The following ROBO4 variants were observed in gnomAD, a reference collection of about 807,000 sequenced individuals.
The protein encoded by ROBO4 is roundabout guidance receptor 4, also known as roundabout homolog 4.
In ROBO4, 80 loss-of-function variants were observed where a neutral mutation model predicts 103.3. The observed-to-expected ratio is 0.77, with a 90% CI of 0.65 to 0.93. The LOEUF is 0.93. ROBO4 is among the 40% of genes least tolerant of loss of function. The pLI is 0.00. For synonymous variants in ROBO4, 504 were observed against 529.7 expected (o/e 0.95, Z 0.67); for missense variants, 1,333 against 1,305.3 (o/e 1.02, Z -0.33).
chr11:124,895,040 C>T, intron 7 of ROBO4, 41 bp downstream of exon 7: 2 of 1,408,734 alleles, frequency 1.4e-6, no homozygotes, highest in Non-Finnish European at 2.0e-6. Context: ...AAGAGATGTC[C>T]TGGCAGCAGT....
Position 124,887,358 on chromosome 11 carries a change from T to G in ROBO4, c.2198A>C (p.Gln733Pro). 4 of 1,613,944 alleles carry G rather than the reference T, an allele frequency of 2.5e-6. No homozygotes were observed. The highest frequency in any genetic ancestry group is 3.4e-6 in the Non-Finnish European group (4 of 1,179,908). Residue 733 changes from glutamine (Q) to proline (P), a missense_variant and splice_region_variant, in exon 14 of 18, where the codon CAG (glutamine) becomes CCG (proline). Transcript: ENST00000306534. ...ETPPTQSQQT[Q>P]PPVAPQAPSS... ...GCTTCCCGACCCCATGCCCTCTTACTGGGTCTGTTGACTCTGAGTTGGGGG... is the reference window on the plus strand; with the variant it reads ...GCTTCCCGACCCCATGCCCTCTTACGGGGTCTGTTGACTCTGAGTTGGGGG...
At chr11:124,895,376 G>T in intron 6 of ROBO4, 81 bp downstream of exon 6, 1 of 1,376,806 alleles carries the variant, frequency 7.3e-7, no homozygotes, top group Non-Finnish European at 1.0e-6. Context: ...CCTCAAGACT[G>T]AAGCAGAACA....
In ROBO4 at chr11:124,886,603, G is replaced by T. The variant is rs780356474; in HGVS notation, c.2655C>A (p.Ala885=). 1 of 1,614,198 alleles carries T rather than the reference G, an allele frequency of 6.2e-7. No homozygotes were observed. The highest frequency in any genetic ancestry group is 1.1e-5 in the South Asian group (1 of 91,080). ...NGWGSASEDN[A]ASARASLVSS... ...TGACAAGGCTGGCTCTGGCGCTGGCGGCATTGTCCTCAGAGGCTGAGCCCC... is the reference window on the plus strand; with the variant it reads ...TGACAAGGCTGGCTCTGGCGCTGGCTGCATTGTCCTCAGAGGCTGAGCCCC... The change falls in exon 16 of 18, where the codon GCC becomes GCA. Residue 885 remains alanine, a synonymous_variant. Coordinates refer to ENST00000306534, the MANE Select transcript of ROBO4 (RefSeq NM_019055.6).
chr11:124,888,051 G>T (rs1439236806), intron 12 of ROBO4, among the ~76,000 whole-genome samples: 1 of 152,230 alleles, frequency 6.6e-6, no homozygotes, highest in Non-Finnish European at 1.5e-5. Flanking sequence ...CAAAAGACCT[G>T]CCCAGCTCAG....
chr11:124,887,659 C>T, intron 13 of ROBO4, 74 bp downstream of exon 13: 3 of 1,551,164 alleles, frequency 1.9e-6, no homozygotes, highest in South Asian at 1.1e-5. Flanking sequence ...GTGGGAGGGC[C>T]CTGGGCTGGT....
rs920070676 is a variant in ROBO4 at position 124,896,294 on chromosome 11, C to G, written c.583G>C (p.Ala195Pro). 3 of 1,614,026 alleles carry G rather than the reference C, an allele frequency of 1.9e-6. No homozygotes were observed. Among genetic ancestry groups the G allele is most frequent in the African/African-American group, 1.3e-5 (1 of 74,926 alleles). The change falls in exon 4 of 18, where the codon GCA becomes CCA. Residue 195 changes from alanine (A) to proline (P), a missense_variant. Transcript: ENST00000306534. ...CCTTCGTCACTCTTCTCTGCTCTTG[C>G]CATCAGCAGGGACCCCCCGGACACC... ...HTVSGGSLLM[A>P]RAEKSDEGTY...
intron 5 of ROBO4, 26 bp from the exon 6 acceptor site, chr11:124,895,711 G>C: frequency 6.2e-7 from 1 of 1,611,076 alleles, no homozygotes; most frequent in South Asian, 1.1e-5. Context: ...GAGGAAGGGC[G>C]GGGGGTCAGA....
Position 124,886,461 on chromosome 11 carries a change from T to C in ROBO4, c.2794+3A>G, listed in dbSNP as rs762716847. The C allele has an allele frequency of 6.2e-7, 1 of 1,608,840 alleles. No homozygotes were observed. The highest frequency in any genetic ancestry group is 1.7e-5 in the Admixed American group (1 of 59,936). On this transcript the variant is annotated splice_donor_region_variant and intron_variant, in intron 16 of 17. Transcript: ENST00000306534. ...AGGAGTAAGATGGGGAGACCTCACA[T>C]ACCTATGAAGACGCAGTCTGCCTCC...
chr11:124,896,862 C>T, intron 2 of ROBO4, 70 bp downstream of exon 2: 5 of 1,559,256 alleles, frequency 3.2e-6, no homozygotes, highest in Non-Finnish European at 3.5e-6. Context: ...TCAGATGTTC[C>T]CTTGAACATT....
At chr11:124,897,479 C>G in intron 1 of ROBO4, 1 of 582,132 alleles carries the variant, frequency 1.7e-6, no homozygotes, top group Non-Finnish European at 3.1e-6. Context: ...CGCTCTCTCT[C>G]TCTCTCTCTC....
chr11:124,892,212 GC>G (rs1946811360), intron 10 of ROBO4: 1 of 374,904 alleles, frequency 2.7e-6, no homozygotes, highest in Non-Finnish European at 5.2e-6. Context: ...TGGCAATAGG[GC>G]CTTCCACACT....
At chr11:124,889,974 C>G (rs1180172730) in intron 12 of ROBO4, among the ~76,000 whole-genome samples, 1 of 152,130 alleles carries the variant, frequency 6.6e-6, no homozygotes, top group African/African-American at 2.4e-5. Context: ...AAGTAAGGAC[C>G]TAAACCACAG....
In ROBO4 at chr11:124,884,700, A is replaced by C. The variant is rs563077669; in HGVS notation, c.*191T>G. On this transcript the variant is annotated 3_prime_UTR_variant, in exon 18 of 18. Transcript: ENST00000306534. ...TGATGTTTTGCTCCCTGAGGGCTCC[A>C]GGTCAGCTTTGCTCTAATTTTGTTT... is the stretch of plus-strand genomic sequence containing the variant. The C allele has an allele frequency of 8.6e-5, 56 of 654,378 alleles. No individual in the cohort carries two copies. Among genetic ancestry groups the C allele is most frequent in the Non-Finnish European group, 1.4e-4 (51 of 369,834 alleles). 40.5% of individuals were successfully genotyped at this position (654,378 alleles called of 1,614,324 possible). A position where few individuals can be genotyped will look rare whatever the true frequency, so the allele number is the denominator to read the frequency against.
rs1426718010 is a variant in ROBO4 at position 124,887,010 on chromosome 11, C to T, written c.2402G>A (p.Cys801Tyr). Residue 801 changes from cysteine (C) to tyrosine (Y), a missense_variant, in exon 15 of 18, where the codon TGC becomes TAC. Coordinates refer to ENST00000306534, the MANE Select transcript of ROBO4 (RefSeq NM_019055.6). ...CTCCTCACCCTCACTGAGTTCCAAG[C>T]ACAGGGCTACCTCCTCAGGGGTCAG... ...SVLTPEEVAL[C>Y]LELSEGEETP... 2.3e-5 allele frequency: 37 copies of T among 1,613,406 alleles called. No individual in the cohort carries two copies. Among genetic ancestry groups the T allele is most frequent in the Admixed American group, 8.3e-5 (5 of 59,970 alleles).
intron 1 of ROBO4, 73 bp downstream of exon 1, chr11:124,897,653 G>T: frequency 7.3e-7 from 1 of 1,362,456 alleles, no homozygotes; most frequent in Non-Finnish European, 1.0e-6. Context: ...GAAGCAGGCA[G>T]TCAGCAGGCC....
In ROBO4 at chr11:124,886,040, A is replaced by C. The variant is rs551966680; in HGVS notation, c.2794+424T>G. 2.0e-4 allele frequency among the ~76,000 whole-genome samples: 30 copies of C among 152,192 alleles called. No homozygotes were observed. The South Asian group carries it at 5.8e-3, about 30-fold the overall frequency. The stretch of plus-strand genomic sequence containing the variant: ...CCCGTCTCTACTAAAAATACAAAAA[A>C]ATTAGCTGGGCATGGTGGTAGGTGC... On this transcript the variant is annotated intron_variant, in intron 16 of 17. Coordinates refer to ENST00000306534, the MANE Select transcript of ROBO4 (RefSeq NM_019055.6).
intron 10 of ROBO4, chr11:124,892,419 C>G: frequency 4.5e-6 from 1 of 220,482 alleles, no homozygotes; most frequent in Admixed American, 5.2e-5. Flanking sequence ...CCTAGCATGG[C>G]TAAGAGGACC....
At chr11:124,895,418 A>G in intron 6 of ROBO4, 39 bp downstream of exon 6, 6 of 1,571,302 alleles carry the variant, frequency 3.8e-6, no homozygotes, top group Non-Finnish European at 5.2e-6. Flanking sequence ...AAGGAGCCAG[A>G]GGGGATATTG....
In ROBO4 at chr11:124,885,028, G is replaced by A; in HGVS notation, c.3001+13C>T. 6.2e-7 allele frequency: 1 copy of A among 1,614,082 alleles called. No individual in the cohort carries two copies. The highest frequency in any genetic ancestry group is 8.5e-7 in the Non-Finnish European group (1 of 1,179,930). ...TCAAGATGAACACATTAGCCAGGAA[G>A]ACAGACACTCACCACCAGCCTTGGG... On this transcript the variant is annotated intron_variant, in intron 17 of 17. Coordinates refer to ENST00000306534, the MANE Select transcript of ROBO4 (RefSeq NM_019055.6).
Sources: allele counts gnomAD v4.1 joint callset (sites outside exome capture counted in the v4.1 genomes callset), GRCh38; gene constraint gnomAD v4.1.1; transcripts MANE v1.5; gene names NCBI Gene and HGNC (gene_info 2026-07-23, HGNC 2026-07-21).